NXT2: variants seen among roughly 807,000 people sequenced by gnomAD.
NXT2 encodes nuclear transport factor 2 like export factor 2.
Under a neutral mutation model 9.6 loss-of-function variants are expected in NXT2, and 1 was observed. That is an observed-to-expected ratio of 0.10 (90% confidence interval 0.04 to 0.49). NXT2 has a LOEUF of 0.49. Among genes scored for constraint, NXT2 ranks in the 20% least tolerant of loss-of-function variants. The pLI, the probability that NXT2 is intolerant of heterozygous loss-of-function variation, is 0.95. For missense variants in NXT2, 48 were observed against 100.3 expected (o/e 0.48, Z 2.23); for synonymous variants, 22 against 35.4 (o/e 0.62, Z 1.34).
At chrX:109,541,658 C>T (rs1386273782) in intron 3 of NXT2, 39 bp downstream of exon 3, 3 of 1,110,177 alleles carry the variant, frequency 2.7e-6, no homozygotes, top group South Asian at 4.5e-5. Flanking sequence ...CTTTGTTTTC[C>T]TCTAGTAAGC....
At position 109,542,790 on chromosome X, in the gene NXT2, ATTTC is replaced by A; in HGVS notation, c.*106_*109del. 1.6e-6 allele frequency: 1 copy of A among 641,312 alleles called. No homozygotes were observed. Among genetic ancestry groups the A allele is most frequent in the Middle Eastern group, 3.8e-4 (1 of 2,601 alleles). The allele number at this position is 641,312 out of a possible 1,213,427, so 52.9% of individuals were successfully genotyped here. ...GCACTATAATATGTGCTGAAACTAAATTTCTTTAATATTTTCTATTCCTGTCAGC... is the reference window on the plus strand; with the variant it reads ...GCACTATAATATGTGCTGAAACTAAATTTAATATTTTCTATTCCTGTCAGC... On this transcript the variant is annotated 3_prime_UTR_variant, in exon 4 of 4. Coordinates refer to ENST00000372106, the MANE Select transcript of NXT2 (RefSeq NM_001242617.2).
intron 2 of NXT2, among the ~76,000 whole-genome samples, chrX:109,540,646 A>G (rs1253291822): frequency 8.9e-6 from 1 of 112,298 alleles, no homozygotes; most frequent in Non-Finnish European, 1.9e-5. Flanking sequence ...CCCAAGTTAC[A>G]TTATAGAATT....
upstream of NXT2, chrX:109,536,102 G>C: frequency 2.1e-6 from 1 of 478,099 alleles, no homozygotes; most frequent in Middle Eastern, 3.6e-4. Flanking sequence ...TATTGCTTGA[G>C]TTTGAATCTC....
chrX:109,537,845 G>A (rs962976478), intron 1 of NXT2, among the ~76,000 whole-genome samples, 200 bp from the exon 2 acceptor site: 2 of 112,188 alleles, frequency 1.8e-5, no homozygotes, highest in African/African-American at 6.5e-5. Context: ...CTAAAGACAT[G>A]CACTTAAAAT....
chrX:109,539,336 G>A (rs988267735), intron 2 of NXT2, among the ~76,000 whole-genome samples: 4 of 112,245 alleles, frequency 3.6e-5, no homozygotes, highest in Admixed American at 2.8e-4. Context: ...ATAAACATAT[G>A]TGTGCATGTG....
At chrX:109,538,469 A>G (rs1449045953) in intron 2 of NXT2, among the ~76,000 whole-genome samples, 2 of 111,616 alleles carry the variant, frequency 1.8e-5, no homozygotes, top group East Asian at 2.8e-4. Flanking sequence ...TCCTTTTCTT[A>G]GTTCCATCAA....
intron 1 of NXT2, chrX:109,537,228 A>T: frequency 2.9e-6 from 3 of 1,022,430 alleles, no homozygotes; most frequent in Non-Finnish European, 3.7e-6. Flanking sequence ...TGATCCCGGA[A>T]AGGACCCTGA....
At chrX:109,537,953 GT>G (rs1004518163) in intron 1 of NXT2, 91 bp from the exon 2 acceptor site, 1 of 568,361 alleles carries the variant, frequency 1.8e-6, no homozygotes, top group African/African-American at 2.3e-5. Context: ...CTACATAGTG[GT>G]TGAAATAAAT....
chrX:109,541,319 A>G (rs1933413782), intron 2 of NXT2, among the ~76,000 whole-genome samples, 156 bp from the exon 3 acceptor site: 1 of 112,449 alleles, frequency 8.9e-6, no homozygotes, highest in Non-Finnish European at 1.9e-5. Context: ...TTTTGTTCAC[A>G]TGGGTTTCCA....
intron 1 of NXT2, chrX:109,537,222 C>T: frequency 2.0e-6 from 2 of 1,022,576 alleles, no homozygotes; most frequent in East Asian, 3.8e-5. Flanking sequence ...GCTTTCTGAT[C>T]CCGGAAAGGA....
chrX:109,535,946 T>C, upstream of NXT2: 1 of 1,204,343 alleles, frequency 8.3e-7, no homozygotes, highest in Non-Finnish European at 1.1e-6. Flanking sequence ...AAGAAGTAAC[T>C]ATTATGAGGG....
rs1459051569 is a variant in NXT2, at chrX:109,544,136, T to C, written c.*1448T>C. 1 of 112,736 alleles carries C rather than the reference T, an allele frequency of 8.9e-6. No homozygotes were observed. Among genetic ancestry groups the C allele is most frequent in the Non-Finnish European group, 1.9e-5 (1 of 53,148 alleles). 9.3% of individuals were successfully genotyped at this position (112,736 alleles called of 1,213,427 possible). On this transcript the variant is annotated 3_prime_UTR_variant, in exon 4 of 4. Coordinates refer to ENST00000372106, the MANE Select transcript of NXT2 (RefSeq NM_001242617.2). ...AGCTTTTGCTTAAACATTAAATATC[T>C]TTTCCATTTTTTAATGTTTGTAAGC...
At chrX:109,536,322 T>G (rs1031802575), upstream of NXT2, among the ~76,000 whole-genome samples, 1 of 112,895 alleles carries the variant, frequency 8.9e-6, no homozygotes, top group Non-Finnish European at 1.9e-5. Context: ...TGAATAGCAC[T>G]GTAAACTTAA....
intron 2 of NXT2, 82 bp from the exon 3 acceptor site, chrX:109,541,393 T>TGG: frequency 1.0e-5 from 9 of 880,441 alleles, no homozygotes; most frequent in Non-Finnish European, 1.4e-5. Flanking sequence ...ATATACCATC[T>TGG]GTAATATTTT....
At chrX:109,536,128 G>A (rs781354582), upstream of NXT2, 2 of 432,216 alleles carry the variant, frequency 4.6e-6, no homozygotes, top group African/African-American at 2.5e-5. Context: ...GTTTGTGACC[G>A]TAGGCAGATT....
chrX:109,536,805 T>C, upstream of NXT2: 2 of 1,076,292 alleles, frequency 1.9e-6, no homozygotes, highest in South Asian at 4.8e-5. Flanking sequence ...TGAAGGGAAG[T>C]GGAACTTAAG....
At chrX:109,536,822 A>C, upstream of NXT2, 1 of 1,105,562 alleles carries the variant, frequency 9.0e-7, no homozygotes, top group East Asian at 3.5e-5. Context: ...TAAGGTTGGA[A>C]CATCGGTGTG....
intron 2 of NXT2, among the ~76,000 whole-genome samples, chrX:109,538,706 A>G (rs1427640772): frequency 9.0e-6 from 1 of 111,117 alleles, no homozygotes; most frequent in Non-Finnish European, 1.9e-5. Flanking sequence ...TCCCTGCACC[A>G]TATCTTTTAC....
At chrX:109,537,507 G>A in intron 1 of NXT2, 2 of 426,200 alleles carry the variant, frequency 4.7e-6, no homozygotes, top group Non-Finnish European at 5.9e-6. Context: ...TACGCAATGT[G>A]GGAAAGTTTC....
Sources: gnomAD v4.1 joint callset for allele counts (sites outside exome capture counted in the v4.1 genomes callset) on GRCh38, gnomAD v4.1.1 for gene constraint, MANE v1.5 for transcripts, NCBI Gene and HGNC (gene_info 2026-07-23, HGNC 2026-07-21) for gene names.